NFIB: variants seen among roughly 807,000 people sequenced by gnomAD.
NFIB encodes nuclear factor 1 B-type.
In NFIB, 11 loss-of-function variants were observed where a neutral mutation model predicts 61.5. That is an observed-to-expected ratio of 0.18 (90% CI 0.11 to 0.30). The LOEUF (loss-of-function observed/expected upper bound fraction) is 0.30, where lower values mean the gene tolerates loss of function less well. NFIB is among the 10% of genes least tolerant of loss of function. The pLI, the probability that NFIB is intolerant of heterozygous loss-of-function variation, is 1.00. For missense variants in NFIB, 471 were observed against 608.9 expected, an observed-to-expected ratio of 0.77 and a Z score of 2.38; for synonymous variants, 260 against 216.5, an observed-to-expected ratio of 1.20 and a Z score of -1.76.
chr9:14,348,249 C>CA (rs2061058372), intron 1 of NFIB, among the ~76,000 whole-genome samples: 2 of 151,900 alleles, frequency 1.3e-5, no homozygotes, highest in East Asian at 3.9e-4. Context: ...CACCCTTTTC[C>CA]TTTTTTGCTT....
intron 2 of NFIB, among the ~76,000 whole-genome samples, chr9:14,253,826 A>G (rs1278943488): frequency 3.9e-5 from 6 of 152,126 alleles, no homozygotes; most frequent in African/African-American, 1.4e-4. Flanking sequence ...ATGGCTCTCC[A>G]TGAAGTAATC....
the NFIB span, among the ~76,000 whole-genome samples, chr9:14,503,731 T>C: frequency 5.3e-5 from 8 of 152,230 alleles, no homozygotes; most frequent in Non-Finnish European, 5.9e-5. Flanking sequence ...TAGTTATTTG[T>C]TGGATGTATA....
the NFIB span, among the ~76,000 whole-genome samples, chr9:14,512,686 ATT>A: frequency 1.3e-5 from 1 of 74,696 alleles, no homozygotes; most frequent in African/African-American, 3.5e-5. Context: ...TTGTACTCTT[ATT>A]TATAAAGTAA....
At position 14,217,660 on chromosome 9, in the gene NFIB, C is replaced by CAAAAAAAAAAAAAA. The variant is rs34055171; in HGVS notation, c.563-37894_563-37881dup. Among the ~76,000 whole-genome samples, 317 of 81,454 alleles carry CAAAAAAAAAAAAAA rather than the reference C, an allele frequency of 3.9e-3. 9 individuals carry two copies. The highest frequency in any genetic ancestry group is 0.013 in the African/African-American group (264 of 20,200). The allele number at this position is 81,454 out of a possible 152,430, so 53.4% of individuals were successfully genotyped here. A position where few individuals can be genotyped will look rare whatever the true frequency, so the allele number is the denominator to read the frequency against. ...GGGCAACAAGAGTGAAACTCCATCT[C>CAAAAAAAAAAAAAA]AAAAAAAAAAAAAAAAAAAAAGACA... On this transcript the variant is annotated intron_variant, in intron 2 of 10. Coordinates refer to ENST00000380953, the MANE Select transcript of NFIB (RefSeq NM_001190737.2).
chr9:14,245,355 T>C (rs2054797389), intron 2 of NFIB, among the ~76,000 whole-genome samples: 1 of 152,130 alleles, frequency 6.6e-6, no homozygotes, highest in African/African-American at 2.4e-5. Flanking sequence ...GCTGCTCTCC[T>C]GACTTTCACA....
At chr9:14,493,122 C>G in the NFIB span, among the ~76,000 whole-genome samples, 1 of 152,212 alleles carries the variant, frequency 6.6e-6, no homozygotes, top group Non-Finnish European at 1.5e-5. Context: ...GCAGTGCTCT[C>G]TCTCTTTTAT....
the NFIB span, among the ~76,000 whole-genome samples, chr9:14,442,216 A>C: frequency 2.6e-4 from 39 of 152,166 alleles, 1 homozygote; most frequent in South Asian, 8.1e-3. Flanking sequence ...AATGCTGGTT[A>C]GTGTGCTGGG....
At chr9:14,375,053 G>C (rs2061401929) in intron 1 of NFIB, among the ~76,000 whole-genome samples, 1 of 152,218 alleles carries the variant, frequency 6.6e-6, no homozygotes, top group Non-Finnish European at 1.5e-5. Context: ...CCAAAGGAGA[G>C]AAGTAGTTTG....
the NFIB span, among the ~76,000 whole-genome samples, chr9:14,481,201 A>G: frequency 6.1e-3 from 249 of 41,044 alleles, no homozygotes; most frequent in South Asian, 0.036. Context: ...GTGTGTGTAT[A>G]TATATATATA....
chr9:14,434,906 C>T, the NFIB span, among the ~76,000 whole-genome samples: 2 of 152,180 alleles, frequency 1.3e-5, no homozygotes, highest in Non-Finnish European at 2.9e-5. Flanking sequence ...AGCTAGCTGG[C>T]ACTGTATGTG....
At chr9:14,138,366 G>A (rs1171765712) in intron 6 of NFIB, among the ~76,000 whole-genome samples, 2 of 151,952 alleles carry the variant, frequency 1.3e-5, no homozygotes, top group South Asian at 4.2e-4. Flanking sequence ...AAAAGGAGGC[G>A]AATAATCAGT....
intron 6 of NFIB, among the ~76,000 whole-genome samples, chr9:14,128,469 G>A (rs1039392983): frequency 5.9e-5 from 9 of 152,032 alleles, no homozygotes; most frequent in Non-Finnish European, 8.8e-5. Context: ...AGGCTAAGGC[G>A]GGTGGATCGC....
chr9:14,413,969 G>T, the NFIB span, among the ~76,000 whole-genome samples: 1 of 152,174 alleles, frequency 6.6e-6, no homozygotes, highest in Non-Finnish European at 1.5e-5. Context: ...TGGTTCAAGG[G>T]TTTGAACGTC....
the NFIB span, among the ~76,000 whole-genome samples, chr9:14,418,396 A>G: frequency 6.6e-6 from 1 of 152,198 alleles, no homozygotes; most frequent in Non-Finnish European, 1.5e-5. Context: ...GGTTTCTGGC[A>G]CATACCACTG....
intron 1 of NFIB, among the ~76,000 whole-genome samples, chr9:14,352,921 G>A (rs772302093): frequency 6.6e-6 from 1 of 152,196 alleles, no homozygotes; most frequent in Non-Finnish European, 1.5e-5. Flanking sequence ...TGTCTATAGG[G>A]GCAGGGTTAG....
In NFIB at chr9:14,295,407, A is replaced by T. The variant is rs2059369959; in HGVS notation, c.562+11582T>A. Among the ~76,000 whole-genome samples, 3 of 152,092 alleles carry T rather than the reference A, an allele frequency of 2.0e-5. No individual in the cohort carries two copies. In the South Asian group the frequency reaches 6.2e-4, roughly 32 times the overall value. ...TTGGGAGGCCCAAGGCGGGCAGATC[A>T]CGAGGTCAGGAGATGGAGATCATCC... On this transcript the variant is annotated intron_variant, in intron 2 of 10. Coordinates refer to ENST00000380953, the MANE Select transcript of NFIB (RefSeq NM_001190737.2).
the NFIB span, among the ~76,000 whole-genome samples, chr9:14,501,103 C>T: frequency 5.3e-5 from 8 of 152,146 alleles, no homozygotes; most frequent in African/African-American, 1.9e-4. Flanking sequence ...ACTTTTAAAG[C>T]TTACAGATTT....
At chr9:14,306,939 A>G in intron 2 of NFIB, 50 bp downstream of exon 2, 1 of 1,594,986 alleles carries the variant, frequency 6.3e-7, no homozygotes, top group Non-Finnish European at 8.5e-7. Flanking sequence ...GTCTACGGAG[A>G]TTTGTAGGCG....
the NFIB span, among the ~76,000 whole-genome samples, chr9:14,412,418 T>C: frequency 6.6e-6 from 1 of 152,322 alleles, no homozygotes; most frequent in East Asian, 1.9e-4. Flanking sequence ...TGGTTTCAGA[T>C]AGCACCAGAA....
Sources: gnomAD v4.1 joint callset for allele counts (sites outside exome capture counted in the v4.1 genomes callset) on GRCh38, gnomAD v4.1.1 for gene constraint, MANE v1.5 for transcripts, NCBI Gene and HGNC (gene_info 2026-07-23, HGNC 2026-07-21) for gene names.